Variants in CRTC3 observed in about 807,000 individuals in gnomAD.
CRTC3 encodes the protein CREB-regulated transcription coactivator 3.
CRTC3 carries 26 observed loss-of-function variants against 74.5 expected under a neutral mutation model. That is an observed-to-expected ratio of 0.35 (90% CI 0.26 to 0.48). The LOEUF (loss-of-function observed/expected upper bound fraction) is 0.48. Among genes scored for constraint, CRTC3 ranks in the 20% least tolerant of loss-of-function variants. The probability of loss-of-function intolerance (pLI) is 0.99; values close to 1 mark genes in which losing one functional copy is unlikely to be tolerated. For synonymous variants in CRTC3, 377 were observed against 325.8 expected (o/e 1.16, Z -1.69); for missense variants, 760 against 787.3 (o/e 0.97, Z 0.41).
intron 2 of CRTC3, among the ~76,000 whole-genome samples, chr15:90,584,865 T>C (rs1460777862): frequency 6.6e-6 from 1 of 152,110 alleles, no homozygotes; most frequent in Non-Finnish European, 1.5e-5. Context: ...AACCCAAGTA[T>C]ACAGAGGAAT....
intron 10 of CRTC3, among the ~76,000 whole-genome samples, chr15:90,627,504 A>G (rs1432538199): frequency 6.6e-6 from 1 of 152,162 alleles, no homozygotes; most frequent in East Asian, 1.9e-4. Context: ...ATTTTCCAGT[A>G]CAGCCTTTGA....
chr15:90,569,068 C>T (rs992877075), intron 2 of CRTC3, among the ~76,000 whole-genome samples: 1 of 151,468 alleles, frequency 6.6e-6, no homozygotes, highest in Admixed American at 6.6e-5. Context: ...TCATAGCTCA[C>T]TGTAGCCTTG....
intron 7 of CRTC3, among the ~76,000 whole-genome samples, chr15:90,617,134 C>T (rs1968514198): frequency 6.6e-6 from 1 of 152,170 alleles, no homozygotes; most frequent in South Asian, 2.1e-4. Flanking sequence ...TTACCTTCCC[C>T]TCTCTTGGAA....
chr15:90,609,047 A>G (rs1172734056), intron 6 of CRTC3, among the ~76,000 whole-genome samples: 1 of 152,204 alleles, frequency 6.6e-6, no homozygotes, highest in Non-Finnish European at 1.5e-5. Context: ...TTAAAGCCTA[A>G]ATGGCCTCTG....
At chr15:90,571,485 G>A (rs976260745) in intron 2 of CRTC3, among the ~76,000 whole-genome samples, 4 of 152,206 alleles carry the variant, frequency 2.6e-5, no homozygotes, top group African/African-American at 7.2e-5. Flanking sequence ...AGGGAGTGGT[G>A]AGAGATGAGG....
chr15:90,608,731 CG>C (rs1394722235), intron 6 of CRTC3, among the ~76,000 whole-genome samples: 3 of 152,186 alleles, frequency 2.0e-5, no homozygotes, highest in Non-Finnish European at 4.4e-5. Flanking sequence ...CAGAGGAGCC[CG>C]TACTGATGGA....
At chr15:90,605,815 C>A (rs191062174) in intron 5 of CRTC3, among the ~76,000 whole-genome samples, 1 of 152,188 alleles carries the variant, frequency 6.6e-6, no homozygotes, top group East Asian at 1.9e-4. Flanking sequence ...TTTCTATGGC[C>A]GACAGTTTGA....
At chr15:90,553,054 C>T (rs1206647190) in intron 2 of CRTC3, among the ~76,000 whole-genome samples, 1 of 152,140 alleles carries the variant, frequency 6.6e-6, no homozygotes, top group African/African-American at 2.4e-5. Context: ...TGGGCTTCTG[C>T]ATGAGATTTA....
intron 1 of CRTC3, among the ~76,000 whole-genome samples, chr15:90,536,765 A>G (rs1044227938): frequency 6.6e-6 from 1 of 152,194 alleles, no homozygotes; most frequent in Admixed American, 6.5e-5. Context: ...GGGGCCAGGA[A>G]TGAGATGATC....
At chr15:90,566,708 CT>C in intron 2 of CRTC3, among the ~76,000 whole-genome samples, 1 of 122,552 alleles carries the variant, frequency 8.2e-6, no homozygotes, top group Non-Finnish European at 1.7e-5. Context: ...TTCTTTCCTC[CT>C]TTCTTTTTTT....
At position 90,638,674 on chromosome 15, in the gene CRTC3, G is replaced by T. The variant is rs541501560; in HGVS notation, c.1467+28G>T. 4.3e-6 allele frequency: 7 copies of T among 1,613,136 alleles called. No individual in the cohort carries two copies. The African/African-American group carries it at 9.3e-5, about 22-fold the overall frequency. On this transcript the variant is annotated intron_variant, in intron 12 of 14. Transcript: ENST00000268184. Reference sequence around the variant, plus strand: ...GAGTTCTGGCAGGAGCGTTGGTGCAGAGGGAATGCTTGTTTTGCTCTGAGT... The same window carrying T: ...GAGTTCTGGCAGGAGCGTTGGTGCATAGGGAATGCTTGTTTTGCTCTGAGT...
intron 2 of CRTC3, among the ~76,000 whole-genome samples, chr15:90,566,069 T>C (rs796196083): frequency 2.4e-4 from 36 of 152,316 alleles, no homozygotes; most frequent in African/African-American, 8.7e-4. Context: ...GAAACAGCCT[T>C]ATTTGCTCAT....
At chr15:90,544,211 G>A (rs1218696877) in intron 2 of CRTC3, among the ~76,000 whole-genome samples, 1 of 152,150 alleles carries the variant, frequency 6.6e-6, no homozygotes, top group Non-Finnish European at 1.5e-5. Flanking sequence ...ACTTGTAGCT[G>A]CATCACTTAC....
rs77748519 is a variant in CRTC3 at position 90,617,932 on chromosome 15, G to C, written c.663G>C (p.Pro221=). The stretch of plus-strand genomic sequence containing the variant: ...AAGAAGAGAATCTGTTAAATGTTCC[G>C]AAGCCACTGCCAAAACAACTGTGGG... The part of the protein sequence containing the change: ...PLKEENLLNV[P]KPLPKQLWET... The change falls in exon 8 of 15, where the codon CCG becomes CCC. Residue 221 remains proline (P), a synonymous_variant. Transcript: ENST00000268184. 6.2e-7 allele frequency: 1 copy of C among 1,612,796 alleles called. No individual in the cohort carries two copies. The highest frequency in any genetic ancestry group is 1.1e-5 in the South Asian group (1 of 91,056).
intron 2 of CRTC3, among the ~76,000 whole-genome samples, chr15:90,563,818 A>G (rs1335952378): frequency 6.6e-6 from 1 of 152,176 alleles, no homozygotes; most frequent in Non-Finnish European, 1.5e-5. Context: ...TTTGATCAAC[A>G]TATTTGCCCT....
chr15:90,598,531 G>A (rs1055103692), intron 3 of CRTC3: 1 of 702,466 alleles, frequency 1.4e-6, no homozygotes, highest in Non-Finnish European at 2.6e-6. Flanking sequence ...GAACTGCAGA[G>A]GCTTGGGGAG....
At chr15:90,588,013 C>T (rs1234236479) in intron 2 of CRTC3, among the ~76,000 whole-genome samples, 3 of 151,432 alleles carry the variant, frequency 2.0e-5, no homozygotes, top group Admixed American at 2.0e-4. Flanking sequence ...TTTGGGAGGC[C>T]GAGGGGGGTG....
At chr15:90,543,869 AT>A (rs1426235550) in intron 2 of CRTC3, among the ~76,000 whole-genome samples, 1 of 152,162 alleles carries the variant, frequency 6.6e-6, no homozygotes, top group Non-Finnish European at 1.5e-5. Flanking sequence ...AGTATTCTCC[AT>A]CCCCCACCTC....
At chr15:90,641,898 C>T (rs1173077750) in intron 14 of CRTC3, 34 bp from the exon 15 acceptor site, 2 of 1,600,796 alleles carry the variant, frequency 1.2e-6, no homozygotes, top group Admixed American at 1.7e-5. Flanking sequence ...CGCCTCCTAA[C>T]CGCACTGTTT....
Sources: allele counts gnomAD v4.1 joint callset (sites outside exome capture counted in the v4.1 genomes callset), GRCh38; gene constraint gnomAD v4.1.1; transcripts MANE v1.5; gene names NCBI Gene and HGNC (gene_info 2026-07-23, HGNC 2026-07-21).